Variants in PTPRM observed in about 807,000 individuals in gnomAD.
The protein encoded by PTPRM is receptor-type tyrosine-protein phosphatase mu.
A neutral mutation model predicts 186.7 loss-of-function variants in PTPRM; 47 were observed. The ratio of observed to expected loss-of-function variants is 0.25; its 90% CI spans 0.20 to 0.32. The LOEUF (loss-of-function observed/expected upper bound fraction) is 0.32, where lower values mean the gene tolerates loss of function less well. Among genes scored for constraint, PTPRM ranks in the 10% least tolerant of loss-of-function variants. PTPRM has a pLI of 1.00. For synonymous variants in PTPRM, 668 were observed against 674.9 expected, an observed-to-expected ratio of 0.99 and a Z score of 0.16; for missense variants, 1,494 against 1,865.0, an observed-to-expected ratio of 0.80 and a Z score of 3.66.
chr18:8,211,215 G>C (rs2093999162), intron 14 of PTPRM, among the ~76,000 whole-genome samples: 2 of 152,008 alleles, frequency 1.3e-5, no homozygotes, highest in African/African-American at 4.8e-5. Context: ...GCACAGGCAG[G>C]AATAGAGAGA....
intron 22 of PTPRM, among the ~76,000 whole-genome samples, chr18:8,329,475 A>G (rs2095399272): frequency 6.6e-6 from 1 of 152,214 alleles, no homozygotes; most frequent in Non-Finnish European, 1.5e-5. Context: ...AAAAACTGTG[A>G]GGTTACATCT....
intron 7 of PTPRM, among the ~76,000 whole-genome samples, chr18:7,983,470 G>T (rs9966712): frequency 0.034 from 5,109 of 152,124 alleles, 283 homozygotes; most frequent in African/African-American, 0.12. Flanking sequence ...CAGAGTCTTT[G>T]CCCTGCCCCT....
intron 2 of PTPRM, among the ~76,000 whole-genome samples, chr18:7,832,478 T>C (rs2145735881): frequency 6.6e-6 from 1 of 152,148 alleles, no homozygotes; most frequent in African/African-American, 2.4e-5. Context: ...TAGATATTTT[T>C]CCTATAGAGT....
intron 1 of PTPRM, among the ~76,000 whole-genome samples, chr18:7,663,066 A>G: frequency 6.6e-6 from 1 of 152,214 alleles, no homozygotes; most frequent in East Asian, 1.9e-4. Flanking sequence ...CACATTGGTC[A>G]TGGGCCAGGA....
chr18:7,834,659 TC>T (rs1355132169), intron 2 of PTPRM, among the ~76,000 whole-genome samples: 2 of 151,220 alleles, frequency 1.3e-5, no homozygotes, highest in Non-Finnish European at 3.0e-5. Context: ...CCTCTGTTTT[TC>T]AGAGTAGTTT....
chr18:7,699,106 CTT>C (rs2039904817), intron 1 of PTPRM, among the ~76,000 whole-genome samples: 1 of 152,090 alleles, frequency 6.6e-6, no homozygotes, highest in South Asian at 2.1e-4. Context: ...AGCACGAACT[CTT>C]TTGTGAACTG....
intron 22 of PTPRM, among the ~76,000 whole-genome samples, chr18:8,323,871 C>G (rs2095360254): frequency 6.6e-6 from 1 of 152,090 alleles, no homozygotes; most frequent in South Asian, 2.1e-4. Flanking sequence ...TCCTTCAAAA[C>G]TAATGAAATA....
intron 23 of PTPRM, among the ~76,000 whole-genome samples, chr18:8,356,195 G>A (rs62085049): frequency 0.024 from 3,719 of 152,280 alleles, 70 homozygotes; most frequent in Admixed American, 0.038. Flanking sequence ...TAGACTGAGT[G>A]TGGACTTGAC....
At chr18:8,322,334 G>A (rs527350343) in intron 22 of PTPRM, among the ~76,000 whole-genome samples, 2 of 152,006 alleles carry the variant, frequency 1.3e-5, no homozygotes, top group East Asian at 1.9e-4. Context: ...GATAATAATG[G>A]GTGACGTTTC....
intron 11 of PTPRM, among the ~76,000 whole-genome samples, chr18:8,108,647 A>G (rs1202115506): frequency 1.3e-5 from 2 of 152,248 alleles, no homozygotes; most frequent in Non-Finnish European, 2.9e-5. Context: ...TTTCTAGATT[A>G]TACTTCATGT....
intron 2 of PTPRM, among the ~76,000 whole-genome samples, chr18:7,834,093 A>T (rs920163875): frequency 1.3e-5 from 2 of 152,206 alleles, no homozygotes; most frequent in African/African-American, 4.8e-5. Context: ...TTACTATGTT[A>T]AGGTATGTTC....
intron 1 of PTPRM, among the ~76,000 whole-genome samples, chr18:7,695,121 T>A (rs2039816202): frequency 6.6e-6 from 1 of 152,198 alleles, no homozygotes. Flanking sequence ...GAACACAGCT[T>A]GGCCTCACTC....
intron 2 of PTPRM, among the ~76,000 whole-genome samples, chr18:7,810,043 C>T (rs1214492140): frequency 6.6e-6 from 1 of 152,182 alleles, no homozygotes; most frequent in African/African-American, 2.4e-5. Flanking sequence ...TAATAGGAGG[C>T]AGGTGGAACC....
intron 2 of PTPRM, among the ~76,000 whole-genome samples, chr18:7,777,525 C>G (rs534420974): frequency 3.3e-5 from 5 of 152,160 alleles, no homozygotes; most frequent in African/African-American, 1.2e-4. Context: ...ATGCCCTGGC[C>G]CTTTATGGAA....
intron 2 of PTPRM, among the ~76,000 whole-genome samples, chr18:7,812,398 C>A (rs960698025): frequency 2.1e-4 from 32 of 152,130 alleles, no homozygotes; most frequent in African/African-American, 7.7e-4. Context: ...TCTTTCTAGT[C>A]GAGGTACCTG....
chr18:8,127,893 T>C (rs950402787), intron 13 of PTPRM, among the ~76,000 whole-genome samples: 3 of 152,184 alleles, frequency 2.0e-5, no homozygotes, highest in East Asian at 3.9e-4. Flanking sequence ...CAGGAACTTA[T>C]ATTTAGTGCC....
chr18:7,571,990 A>G (rs1459205109), intron 1 of PTPRM, among the ~76,000 whole-genome samples: 3 of 152,196 alleles, frequency 2.0e-5, no homozygotes, highest in Non-Finnish European at 2.9e-5. Context: ...TAGTCATAGC[A>G]TTTTACATTT....
intron 1 of PTPRM, among the ~76,000 whole-genome samples, chr18:7,743,794 T>C (rs1303860368): frequency 6.6e-6 from 1 of 152,208 alleles, no homozygotes; most frequent in African/African-American, 2.4e-5. Flanking sequence ...CCTTAAACTG[T>C]AGATTAAGAA....
intron 14 of PTPRM, among the ~76,000 whole-genome samples, chr18:8,198,647 A>G (rs1183757720): frequency 6.6e-6 from 1 of 152,134 alleles, no homozygotes; most frequent in Non-Finnish European, 1.5e-5. Context: ...CTAAACAGAA[A>G]GTAATCCAAA....
Sources: gnomAD v4.1 joint callset for allele counts (sites outside exome capture counted in the v4.1 genomes callset) on GRCh38, gnomAD v4.1.1 for gene constraint, MANE v1.5 for transcripts, NCBI Gene and HGNC (gene_info 2026-07-23, HGNC 2026-07-21) for gene names.